Variants in ZFYVE26 observed in about 807,000 individuals in gnomAD.
ZFYVE26 encodes the protein zinc finger FYVE-type containing 26, also known as zinc finger FYVE domain-containing protein 26.
Under a neutral mutation model 276.5 loss-of-function variants are expected in ZFYVE26, and 181 were observed. The ratio of observed to expected loss-of-function variants is 0.65; its 90% CI spans 0.58 to 0.74. The LOEUF (loss-of-function observed/expected upper bound fraction) is 0.74, where lower values mean the gene tolerates loss of function less well. ZFYVE26 is among the 30% of genes least tolerant of loss of function. The pLI is 0.00. For missense variants in ZFYVE26, 2,821 were observed against 3,097.9 expected, an observed-to-expected ratio of 0.91 and a Z score of 2.12; for synonymous variants, 1,129 against 1,203.1, an observed-to-expected ratio of 0.94 and a Z score of 1.27.
chr14:67,761,902 C>T (rs552670517), intron 34 of ZFYVE26: 16 of 554,806 alleles, frequency 2.9e-5, no homozygotes, highest in African/African-American at 2.6e-4. Context: ...AACAACATAA[C>T]ATAGAAAATT....
intron 35 of ZFYVE26, chr14:67,761,090 T>C (rs1452663207): frequency 3.2e-6 from 2 of 631,708 alleles, no homozygotes; most frequent in Non-Finnish European, 5.7e-6. Context: ...AGACATGCTC[T>C]TAACCACTAT....
At chr14:67,774,499 A>AG (rs1184648762) in intron 27 of ZFYVE26, among the ~76,000 whole-genome samples, 2 of 24,204 alleles carry the variant, frequency 8.3e-5, no homozygotes, top group Non-Finnish European at 2.1e-4. Context: ...ACTCCGTCTC[A>AG]AAAAAAAAAC....
At chr14:67,733,046 C>T (rs550300692) in intron 13 of ZFYVE26, among the ~76,000 whole-genome samples, 12 of 152,128 alleles carry the variant, frequency 7.9e-5, no homozygotes, top group East Asian at 1.9e-4. Flanking sequence ...GGGTGCAGCA[C>T]ACCAACATGG....
Position 67,767,901 on chromosome 14 carries a change from C to A in ZFYVE26, c.5654-61G>T, listed in dbSNP as rs546195183. The A allele has an allele frequency of 2.4e-5, 38 of 1,612,240 alleles. No individual in the cohort carries two copies. The African/African-American group carries it at 4.3e-4, about 18-fold the overall frequency. On this transcript the variant is annotated intron_variant, in intron 30 of 41. Coordinates refer to ENST00000347230, the MANE Select transcript of ZFYVE26 (RefSeq NM_015346.4). ...GGCTGGCAGTTCAGTCTAACCCAGT[C>A]CAGTGAGCTGGCATGAGTTGCAGGT...
chr14:67,779,636 GT>G (rs2039442911), intron 23 of ZFYVE26, among the ~76,000 whole-genome samples: 1 of 152,168 alleles, frequency 6.6e-6, no homozygotes, highest in Non-Finnish European at 1.5e-5. Flanking sequence ...GAGTGGGAGT[GT>G]AACTGGGGTG....
exon 14 of ZFYVE26, chr14:67,729,772 C>G (rs1383002221): frequency 4.0e-6 from 2 of 503,204 alleles, no homozygotes; most frequent in Admixed American, 2.1e-5. Context: ...AACGTCCTCT[C>G]TCTTCGGTGT....
rs1566893022 is a variant in ZFYVE26, at chr14:67,798,286, C to T, written c.1976G>A (p.Gly659Glu). The T allele has an allele frequency of 6.2e-7, 1 of 1,614,128 alleles. No individual in the cohort carries two copies. Among genetic ancestry groups the T allele is most frequent in the Non-Finnish European group, 8.5e-7 (1 of 1,180,018 alleles). Reference protein sequence around the residue: ...VKAEPKDSYPGPHRHSFLDLK... With the variant: ...VKAEPKDSYPEPHRHSFLDLK... The stretch of plus-strand genomic sequence containing the variant: ...GTCCAAAAAGCTGTGCCTATGAGGC[C>T]CTGGGTAACTGTCTTTTGGCTCTGC... The change falls in exon 11 of 42, where the codon GGG becomes GAG. Residue 659 changes from glycine (G) to glutamate (E), a missense_variant. Transcript: ENST00000347230.
intron 25 of ZFYVE26, among the ~76,000 whole-genome samples, chr14:67,776,676 C>T (rs1489208459): frequency 3.3e-5 from 5 of 152,198 alleles, no homozygotes; most frequent in African/African-American, 9.7e-5. Context: ...TACAGGTAAA[C>T]GATGAATCTA....
At chr14:67,738,298 A>G (rs2038374695) in intron 13 of ZFYVE26, among the ~76,000 whole-genome samples, 1 of 150,154 alleles carries the variant, frequency 6.7e-6, no homozygotes, top group Non-Finnish European at 1.5e-5. Context: ...AATCTGTGGT[A>G]TGATTATACA....
downstream of ZFYVE26, among the ~76,000 whole-genome samples, chr14:67,745,932 A>C (rs1188261010): frequency 3.3e-3 from 16 of 4,782 alleles, no homozygotes; most frequent in African/African-American, 6.9e-3. Context: ...CCTGTCTCAA[A>C]AAAAAAAAAA....
At chr14:67,781,703 A>T (rs1030779726) in intron 21 of ZFYVE26, among the ~76,000 whole-genome samples, 174 bp from the exon 22 acceptor site, 3 of 152,230 alleles carry the variant, frequency 2.0e-5, no homozygotes, top group African/African-American at 4.8e-5. Flanking sequence ...TTATATGACA[A>T]GGAAAATGCT....
chr14:67,754,331 A>G, intron 37 of ZFYVE26, 119 bp from the exon 38 acceptor site: 1 of 1,359,242 alleles, frequency 7.4e-7, no homozygotes, highest in Non-Finnish European at 1.0e-6. Context: ...ATATAGTGGG[A>G]AAAGAGACCT....
intron 32 of ZFYVE26, among the ~76,000 whole-genome samples, chr14:67,765,644 ATGGAGTCAAAACCGGT>A (rs1159860342): frequency 6.6e-6 from 1 of 152,204 alleles, no homozygotes; most frequent in African/African-American, 2.4e-5. Flanking sequence ...AGGTTAATGG[ATGGAGTCAAAACCGGT>A]TGTACAGGAA....
chr14:67,742,599 A>C (rs1228154047), downstream of ZFYVE26, among the ~76,000 whole-genome samples: 2 of 152,170 alleles, frequency 1.3e-5, no homozygotes, highest in Admixed American at 1.3e-4. Context: ...CTTCTGCAAC[A>C]GTCAGGGGAG....
At chr14:67,806,751 A>C in intron 5 of ZFYVE26, 76 bp from the exon 6 acceptor site, 1 of 1,572,270 alleles carries the variant, frequency 6.4e-7, no homozygotes, top group Non-Finnish European at 8.7e-7. Context: ...TGAACAACCA[A>C]GTGATGTGAG....
At chr14:67,798,912 C>A (rs373044466) in intron 10 of ZFYVE26, 2 of 982,558 alleles carry the variant, frequency 2.0e-6, no homozygotes, top group Non-Finnish European at 1.5e-6. Flanking sequence ...CCGGGGAGGG[C>A]GCTGAGCTCC....
intron 9 of ZFYVE26, 142 bp from the exon 10 acceptor site, chr14:67,802,424 G>A (rs1246619246): frequency 6.0e-6 from 5 of 835,336 alleles, no homozygotes; most frequent in Non-Finnish European, 9.6e-6. Flanking sequence ...GGTCTGATCT[G>A]TGTCACTTCT....
chr14:67,801,785 T>A (rs978318725), intron 10 of ZFYVE26, among the ~76,000 whole-genome samples: 2 of 152,178 alleles, frequency 1.3e-5, no homozygotes, highest in African/African-American at 4.8e-5. Flanking sequence ...TATACCTAGG[T>A]GCAAACTGGA....
intron 32 of ZFYVE26, among the ~76,000 whole-genome samples, 156 bp downstream of exon 32, chr14:67,766,071 T>C (rs952666886): frequency 6.6e-6 from 1 of 152,218 alleles, no homozygotes; most frequent in Non-Finnish European, 1.5e-5. Context: ...ACTTGAGATC[T>C]GGCAACACCG....
Sources: allele counts gnomAD v4.1 joint callset (sites outside exome capture counted in the v4.1 genomes callset), GRCh38; gene constraint gnomAD v4.1.1; transcripts MANE v1.5; gene names NCBI Gene and HGNC (gene_info 2026-07-23, HGNC 2026-07-21).